The following VAT1L variants were observed in gnomAD, a reference collection of about 807,000 sequenced individuals.
The protein encoded by VAT1L is putative NADPH-dependent quinone oxidoreductase VAT1L.
Under a neutral mutation model 44.1 loss-of-function variants are expected in VAT1L, and 34 were observed. That is an observed-to-expected ratio of 0.77 (90% CI 0.59 to 1.03). The LOEUF (loss-of-function observed/expected upper bound fraction) is 1.03, where lower values mean the gene tolerates loss of function less well. Among genes scored for constraint, VAT1L ranks in the 50% least tolerant of loss-of-function variants. The pLI, the probability that VAT1L is intolerant of heterozygous loss-of-function variation, is 0.00. For synonymous variants in VAT1L, 253 were observed against 202.2 expected (o/e 1.25, Z -2.13); for missense variants, 615 against 538.8 (o/e 1.14, Z -1.40).
chr16:77,877,510 CTCAAAAAAAAAAAAAAAAA>C (rs1388113521), intron 5 of VAT1L, among the ~76,000 whole-genome samples: 2 of 69,122 alleles, frequency 2.9e-5, no homozygotes, highest in African/African-American at 5.9e-5. Context: ...GGGACTCTGT[CTCAAAAAAAAAAAAAAAAA>C]AAAAAAAAAA....
rs1490621116 is a variant in VAT1L at position 77,879,628 on chromosome 16, C to G, written c.882+404C>G. Among the ~76,000 whole-genome samples the G allele has an allele frequency of 6.6e-6, 1 of 152,212 alleles. No homozygotes were observed. Among genetic ancestry groups the G allele is most frequent in the Admixed American group, 6.5e-5 (1 of 15,278 alleles). On this transcript the variant is annotated intron_variant, in intron 6 of 8. Transcript: ENST00000302536. The surrounding 1 kb of genome is among the most constrained non-coding windows in gnomAD (Gnocchi z 4.1). ...AAGGCATTGACTTAATCTTGTCTTT[C>G]AATTTCCTCGTTCATTTCCCATAAA...
At chr16:77,968,264 G>C (rs1295932522) in intron 7 of VAT1L, among the ~76,000 whole-genome samples, 1 of 152,070 alleles carries the variant, frequency 6.6e-6, no homozygotes, top group African/African-American at 2.4e-5. Context: ...CAGGGCTCTT[G>C]GGTCTCACAC....
intron 1 of VAT1L, among the ~76,000 whole-genome samples, chr16:77,809,174 T>C (rs975465250): frequency 1.3e-5 from 2 of 152,246 alleles, no homozygotes. Flanking sequence ...TAATGTGCTT[T>C]GGTTTTGTTC....
At chr16:77,975,448 G>A (rs2018328764) in intron 8 of VAT1L, among the ~76,000 whole-genome samples, 1 of 151,994 alleles carries the variant, frequency 6.6e-6, no homozygotes, top group Non-Finnish European at 1.5e-5. Flanking sequence ...CTGACCTCAG[G>A]TGATCTGCCC....
chr16:77,964,779 C>CTTTTTTTTTTTTTTTTTTTTTTT (rs10566511), intron 7 of VAT1L, among the ~76,000 whole-genome samples: 4 of 91,880 alleles, frequency 4.4e-5, no homozygotes, highest in East Asian at 3.8e-4. Flanking sequence ...CTTTGTAGCA[C>CTTTTTTTTTTTTTTTTTTTTTTT]TTTTTTTTTT....
chr16:77,946,078 G>T (rs1403266485), intron 7 of VAT1L, among the ~76,000 whole-genome samples: 1 of 151,904 alleles, frequency 6.6e-6, no homozygotes, highest in East Asian at 1.9e-4. Context: ...AGGATTACAG[G>T]CGTGAGCTAC....
At chr16:77,831,268 A>G (rs530755852) in intron 3 of VAT1L, among the ~76,000 whole-genome samples, 2 of 152,356 alleles carry the variant, frequency 1.3e-5, no homozygotes, top group South Asian at 4.2e-4. Context: ...CACAGGGCTT[A>G]GCAGACTACT....
At chr16:77,960,206 G>T (rs1038060219) in intron 7 of VAT1L, among the ~76,000 whole-genome samples, 1 of 152,192 alleles carries the variant, frequency 6.6e-6, no homozygotes, top group African/African-American at 2.4e-5. Context: ...CAGCTTAGGG[G>T]GTCTTGTAGG....
chr16:77,976,564 G>T (rs2018342146), intron 8 of VAT1L, among the ~76,000 whole-genome samples: 1 of 152,128 alleles, frequency 6.6e-6, no homozygotes, highest in East Asian at 1.9e-4. Flanking sequence ...CTCAAGTGTG[G>T]GAGATCTGGG....
intron 4 of VAT1L, among the ~76,000 whole-genome samples, chr16:77,872,087 C>T (rs958203843): frequency 6.6e-5 from 10 of 152,264 alleles, no homozygotes; most frequent in Admixed American, 6.5e-4. Flanking sequence ...ACCATCATCC[C>T]CTTCCACAGT....
intron 7 of VAT1L, among the ~76,000 whole-genome samples, chr16:77,971,324 G>T (rs76966553): frequency 0.033 from 5,041 of 152,268 alleles, 122 homozygotes; most frequent in Non-Finnish European, 0.051. Context: ...GAATATTATA[G>T]TGTTGAGGGG....
rs551615562 is a variant in VAT1L at position 77,895,029 on chromosome 16, C to T, written c.1077+10227C>T. 4.0e-5 allele frequency among the ~76,000 whole-genome samples: 6 copies of T among 151,802 alleles called. No homozygotes were observed. The South Asian group carries it at 1.0e-3, about 26-fold the overall frequency. The stretch of plus-strand genomic sequence containing the variant: ...GGTCCCTACACTTCATTTTTTCCTT[C>T]CTGTGTGACTTCTTTCCCTTAAGTG... On this transcript the variant is annotated intron_variant, in intron 7 of 8. Coordinates refer to ENST00000302536, the MANE Select transcript of VAT1L (RefSeq NM_020927.3).
intron 7 of VAT1L, among the ~76,000 whole-genome samples, chr16:77,970,615 T>C (rs1196242076): frequency 6.6e-6 from 1 of 152,208 alleles, no homozygotes; most frequent in Non-Finnish European, 1.5e-5. Context: ...CATCCCCTTA[T>C]CTCTGGGACA....
chr16:77,842,107 T>C (rs1165178855), intron 3 of VAT1L, among the ~76,000 whole-genome samples: 1 of 152,160 alleles, frequency 6.6e-6, no homozygotes, highest in Non-Finnish European at 1.5e-5. Flanking sequence ...CAGGATGGTC[T>C]CAATCTCCTG....
chr16:77,969,955 G>A (rs757233699), intron 7 of VAT1L, among the ~76,000 whole-genome samples: 6 of 147,496 alleles, frequency 4.1e-5, no homozygotes, highest in Non-Finnish European at 8.9e-5. Context: ...GCTCATGCCT[G>A]TCATCTCAGC....
intron 3 of VAT1L, among the ~76,000 whole-genome samples, chr16:77,841,889 C>T (rs1057111598): frequency 2.7e-5 from 4 of 147,538 alleles, no homozygotes; most frequent in Non-Finnish European, 4.6e-5. Flanking sequence ...TTCTTTTTTT[C>T]TTTTTCTTTT....
intron 1 of VAT1L, among the ~76,000 whole-genome samples, chr16:77,803,563 G>C (rs1228577841): frequency 1.3e-5 from 2 of 151,860 alleles, no homozygotes; most frequent in Non-Finnish European, 2.9e-5. Context: ...GGGACTACAG[G>C]CGCCCTCCAC....
At chr16:77,905,135 A>C (rs1456571131) in intron 7 of VAT1L, among the ~76,000 whole-genome samples, 2 of 152,206 alleles carry the variant, frequency 1.3e-5, no homozygotes, top group African/African-American at 4.8e-5. Flanking sequence ...CCTCTCTATC[A>C]ATATATTGGG....
intron 4 of VAT1L, among the ~76,000 whole-genome samples, chr16:77,870,333 A>G (rs2017018395): frequency 6.6e-6 from 1 of 152,262 alleles, no homozygotes; most frequent in African/African-American, 2.4e-5. Flanking sequence ...GCTGTGGCAC[A>G]GATGAGTTCT....
Sources: allele counts gnomAD v4.1 joint callset (sites outside exome capture counted in the v4.1 genomes callset), GRCh38; gene constraint gnomAD v4.1.1; non-coding constraint Gnocchi (gnomAD v3.1); transcripts MANE v1.5; gene names NCBI Gene and HGNC (gene_info 2026-07-23, HGNC 2026-07-21).